The following PEX5L variants were observed in gnomAD, a reference collection of about 807,000 sequenced individuals.
The protein encoded by PEX5L is PEX5-related protein.
In PEX5L, 30 loss-of-function variants were observed where a neutral mutation model predicts 84.0. That is an observed-to-expected ratio of 0.36 (90% CI 0.27 to 0.48). PEX5L has a LOEUF of 0.48. Ranked by LOEUF, PEX5L falls within the 20% of genes least tolerant of loss-of-function variation. The probability of loss-of-function intolerance (pLI) is 0.99; values close to 1 mark genes in which losing one functional copy is unlikely to be tolerated. For synonymous variants in PEX5L, 270 were observed against 283.1 expected, an observed-to-expected ratio of 0.95 and a Z score of 0.46; for missense variants, 533 against 754.6, an observed-to-expected ratio of 0.71 and a Z score of 3.44.
chr3:179,990,572 A>C (rs1787289014), intron 1 of PEX5L, among the ~76,000 whole-genome samples: 1 of 151,966 alleles, frequency 6.6e-6, no homozygotes, highest in South Asian at 2.1e-4. Context: ...CTATTTTTTA[A>C]AAAAATATTT....
At chr3:180,023,554 G>A (rs1790610558) in intron 1 of PEX5L, among the ~76,000 whole-genome samples, 1 of 152,060 alleles carries the variant, frequency 6.6e-6, no homozygotes, top group Non-Finnish European at 1.5e-5. Context: ...GGGGGAATCG[G>A]CCCTGACCAA....
intron 8 of PEX5L, among the ~76,000 whole-genome samples, chr3:179,828,282 C>A (rs538949989): frequency 2.6e-5 from 4 of 152,186 alleles, no homozygotes; most frequent in Non-Finnish European, 5.9e-5. Context: ...GCTTTTACTG[C>A]TTTAACGACT....
chr3:179,988,602 A>G (rs1204325802), intron 1 of PEX5L, among the ~76,000 whole-genome samples: 1 of 152,128 alleles, frequency 6.6e-6, no homozygotes, highest in Non-Finnish European at 1.5e-5. Context: ...GTGGCAACAA[A>G]CCCAAGTCTC....
intron 1 of PEX5L, among the ~76,000 whole-genome samples, chr3:180,001,045 A>T (rs1343537934): frequency 6.6e-6 from 1 of 152,138 alleles, no homozygotes; most frequent in African/African-American, 2.4e-5. Context: ...GGGCTGGGAA[A>T]GGCAGACCCA....
At chr3:180,020,380 T>C (rs917215536) in intron 1 of PEX5L, among the ~76,000 whole-genome samples, 3 of 152,046 alleles carry the variant, frequency 2.0e-5, no homozygotes, top group African/African-American at 7.2e-5. Flanking sequence ...ATATATCCTA[T>C]TTTACATATA....
At chr3:179,893,019 T>A (rs886585520) in intron 3 of PEX5L, among the ~76,000 whole-genome samples, 1 of 152,110 alleles carries the variant, frequency 6.6e-6, no homozygotes, top group Admixed American at 6.6e-5. Flanking sequence ...GGAAAACTCT[T>A]TTGTTTAGAA....
chr3:179,863,321 A>C (rs1024105201), intron 7 of PEX5L, among the ~76,000 whole-genome samples: 32 of 151,374 alleles, frequency 2.1e-4, no homozygotes, highest in African/African-American at 7.5e-4. Flanking sequence ...TAGGCAACAA[A>C]AGCAAAATAG....
At chr3:179,878,552 C>T (rs1046836582) in intron 5 of PEX5L, among the ~76,000 whole-genome samples, 20 of 152,164 alleles carry the variant, frequency 1.3e-4, no homozygotes, top group African/African-American at 1.7e-4. Flanking sequence ...TACTGAAATA[C>T]GTATATTTAC....
chr3:179,962,756 C>G (rs1782377334), intron 2 of PEX5L, among the ~76,000 whole-genome samples: 1 of 152,214 alleles, frequency 6.6e-6, no homozygotes, highest in Non-Finnish European at 1.5e-5. Flanking sequence ...TTCAATTTCT[C>G]TACCAAATGG....
chr3:179,982,849 TA>T (rs1786457010), intron 1 of PEX5L, among the ~76,000 whole-genome samples: 1 of 152,070 alleles, frequency 6.6e-6, no homozygotes, highest in Non-Finnish European at 1.5e-5. Context: ...AAGGAGCATC[TA>T]AAATGCCATG....
At position 179,940,276 on chromosome 3, in the gene PEX5L, A is replaced by G. The variant is rs111951035; in HGVS notation, c.93+31318T>C. Among the ~76,000 whole-genome samples, 396 of 152,096 alleles carry G rather than the reference A, an allele frequency of 2.6e-3. 7 individuals carry two copies. The highest frequency in any genetic ancestry group is 9.3e-3 in the African/African-American group (385 of 41,484). The stretch of plus-strand genomic sequence containing the variant: ...TTGGAGGAGAGGAATGGGTAAAGAG[A>G]AAGAAAGAGATGGAGAGGTGGGAAG... On this transcript the variant is annotated intron_variant, in intron 2 of 14. Transcript: ENST00000467460.
At position 179,803,790 on chromosome 3, in the gene PEX5L, A is replaced by ATTGT. The variant is rs1465485250; in HGVS notation, c.1677-1762_1677-1759dup. On this transcript the variant is annotated intron_variant, in intron 14 of 14. Transcript: ENST00000467460. The stretch of plus-strand genomic sequence containing the variant: ...ATAATCCAGGGATTTGCTCATCTAT[A>ATTGT]TTGTTAGATCTGCCTGAAAATAAAA... Among the ~76,000 whole-genome samples, 3 of 152,314 alleles carry ATTGT rather than the reference A, an allele frequency of 2.0e-5. No individual in the cohort carries two copies. The East Asian group carries it at 5.8e-4, about 29-fold the overall frequency.
chr3:179,919,728 A>C (rs1360061610), intron 2 of PEX5L, among the ~76,000 whole-genome samples: 1 of 152,082 alleles, frequency 6.6e-6, no homozygotes, highest in Non-Finnish European at 1.5e-5. Context: ...TCTGAGATGA[A>C]GTCTTGCACT....
rs1037172671 is a variant in PEX5L at position 179,827,874 on chromosome 3, T to C, written c.823-7898A>G. On this transcript the variant is annotated intron_variant, in intron 8 of 14. Transcript: ENST00000467460. Reference sequence around the variant, plus strand: ...AATTCAGTGACCAAACTTTAGTCAATCTCCCCCCAGCCCTTTTCTCAACTA... The same window carrying C: ...AATTCAGTGACCAAACTTTAGTCAACCTCCCCCCAGCCCTTTTCTCAACTA... Among the ~76,000 whole-genome samples, 6 of 152,138 alleles carry C rather than the reference T, an allele frequency of 3.9e-5. No individual in the cohort carries two copies. In the East Asian group the frequency reaches 5.8e-4, roughly 15 times the overall value.
At chr3:179,831,998 A>C (rs1733163859) in intron 8 of PEX5L, among the ~76,000 whole-genome samples, 1 of 152,186 alleles carries the variant, frequency 6.6e-6, no homozygotes. Flanking sequence ...GGTGTTTTAG[A>C]AAGATTACTC....
chr3:179,810,835 A>T (rs1356551418), intron 11 of PEX5L, among the ~76,000 whole-genome samples: 1 of 152,244 alleles, frequency 6.6e-6, no homozygotes, highest in East Asian at 1.9e-4. Flanking sequence ...GTGCTTGGGC[A>T]TTATTTTTCC....
At chr3:179,860,418 C>T (rs1486906132) in intron 7 of PEX5L, among the ~76,000 whole-genome samples, 1 of 152,230 alleles carries the variant, frequency 6.6e-6, no homozygotes, top group Non-Finnish European at 1.5e-5. Flanking sequence ...CAGTGATGCT[C>T]AACCCTGGCT....
At chr3:179,917,163 T>A (rs1767475983) in intron 2 of PEX5L, among the ~76,000 whole-genome samples, 1 of 152,080 alleles carries the variant, frequency 6.6e-6, no homozygotes, top group Non-Finnish European at 1.5e-5. Context: ...TTCATTAGCC[T>A]AGGCCTACAC....
chr3:180,022,993 G>A (rs372489552), intron 1 of PEX5L, among the ~76,000 whole-genome samples: 61 of 152,300 alleles, frequency 4.0e-4, no homozygotes, highest in African/African-American at 1.3e-3. Context: ...CAAGGCCACC[G>A]CAATGTCCAG....
Sources: gnomAD v4.1 joint callset for allele counts (sites outside exome capture counted in the v4.1 genomes callset) on GRCh38, gnomAD v4.1.1 for gene constraint, MANE v1.5 for transcripts, NCBI Gene and HGNC (gene_info 2026-07-23, HGNC 2026-07-21) for gene names.